The following STXBP5L variants were observed in gnomAD, a reference collection of about 807,000 sequenced individuals.
The protein encoded by STXBP5L is syntaxin binding protein 5L, also known as syntaxin-binding protein 5-like.
In STXBP5L, 65 loss-of-function variants were observed where a neutral mutation model predicts 144.5. The ratio of observed to expected loss-of-function variants is 0.45; its 90% confidence interval spans 0.37 to 0.55. The LOEUF (loss-of-function observed/expected upper bound fraction) is 0.55, where lower values mean the gene tolerates loss of function less well. Among genes scored for constraint, STXBP5L ranks in the 20% least tolerant of loss-of-function variants. The pLI, the probability that STXBP5L is intolerant of heterozygous loss-of-function variation, is 0.00. For missense variants in STXBP5L, 1,298 were observed against 1,405.5 expected (o/e 0.92, Z 1.22); for synonymous variants, 505 against 469.6 (o/e 1.08, Z -0.97).
intron 9 of STXBP5L, among the ~76,000 whole-genome samples, chr3:121,190,972 C>T (rs567598126): frequency 6.6e-6 from 1 of 151,802 alleles, no homozygotes; most frequent in South Asian, 2.1e-4. Flanking sequence ...TCCCCACATC[C>T]CAGACGATGG....
intron 18 of STXBP5L, among the ~76,000 whole-genome samples, chr3:121,267,510 T>G (rs2050604810): frequency 6.6e-6 from 1 of 152,172 alleles, no homozygotes; most frequent in South Asian, 2.1e-4. Context: ...GGCAAAGACT[T>G]CATGACTAAA....
chr3:121,011,503 A>G (rs536660525), intron 3 of STXBP5L, among the ~76,000 whole-genome samples: 9 of 151,798 alleles, frequency 5.9e-5, no homozygotes, highest in African/African-American at 1.9e-4. Context: ...GTGCGCCACT[A>G]TCAGTTCTTG....
At chr3:121,263,276 A>G (rs2050444769) in intron 18 of STXBP5L, among the ~76,000 whole-genome samples, 1 of 152,196 alleles carries the variant, frequency 6.6e-6, no homozygotes, top group Non-Finnish European at 1.5e-5. Flanking sequence ...TAGCATCAAC[A>G]TCAACAAAAA....
intron 18 of STXBP5L, among the ~76,000 whole-genome samples, chr3:121,266,562 A>G (rs760920696): frequency 3.3e-5 from 5 of 152,140 alleles, no homozygotes; most frequent in Non-Finnish European, 7.4e-5. Context: ...TTGAAAACTG[A>G]CACAAGATAA....
At chr3:121,394,851 G>A (rs531917957) in intron 22 of STXBP5L, among the ~76,000 whole-genome samples, 24 of 151,972 alleles carry the variant, frequency 1.6e-4, no homozygotes, top group Non-Finnish European at 2.9e-4. Context: ...TGATCCACCC[G>A]TCTCAGCCTC....
intron 6 of STXBP5L, among the ~76,000 whole-genome samples, chr3:121,118,632 G>A (rs1224836219): frequency 1.3e-5 from 2 of 151,572 alleles, no homozygotes; most frequent in African/African-American, 4.8e-5. Context: ...CTATATTTTA[G>A]GAGTACTACC....
rs144505140 is a variant in STXBP5L at position 121,082,048 on chromosome 3, A to C, written c.471-32877A>C. Among the ~76,000 whole-genome samples the C allele has an allele frequency of 1.2e-4, 18 of 152,332 alleles. No individual in the cohort carries two copies. The East Asian group carries it at 3.3e-3, about 28-fold the overall frequency. On this transcript the variant is annotated intron_variant, in intron 5 of 26. Transcript: ENST00000471454. ...TACAGTAAGCTTTAAAATTGGATATACTGATTCTTCCAACTTTATTCTTTT... is the reference window on the plus strand; with the variant it reads ...TACAGTAAGCTTTAAAATTGGATATCCTGATTCTTCCAACTTTATTCTTTT...
chr3:120,935,876 A>G (rs1437086423), intron 2 of STXBP5L, among the ~76,000 whole-genome samples: 2 of 151,736 alleles, frequency 1.3e-5, no homozygotes, highest in African/African-American at 2.4e-5. Context: ...CTATTTGGTG[A>G]GCTGAGCTTC....
intron 5 of STXBP5L, among the ~76,000 whole-genome samples, chr3:121,051,929 A>C (rs977065904): frequency 5.9e-5 from 9 of 152,202 alleles, no homozygotes; most frequent in African/African-American, 2.2e-4. Context: ...CCACAGAAAT[A>C]CCATCAGAGA....
intron 11 of STXBP5L, among the ~76,000 whole-genome samples, chr3:121,223,957 T>C (rs1446488124): frequency 1.6e-4 from 24 of 151,732 alleles, no homozygotes; most frequent in Admixed American, 1.6e-3. Flanking sequence ...AATAAATAAA[T>C]AAATCTAAAA....
At chr3:120,974,384 G>C in intron 3 of STXBP5L, among the ~76,000 whole-genome samples, 1 of 151,370 alleles carries the variant, frequency 6.6e-6, no homozygotes, top group African/African-American at 2.4e-5. Context: ...CTTTTTGATG[G>C]GGTTGTTTGT....
chr3:121,201,011 G>C (rs1386734186), intron 9 of STXBP5L, among the ~76,000 whole-genome samples: 1 of 152,192 alleles, frequency 6.6e-6, no homozygotes, highest in Non-Finnish European at 1.5e-5. Context: ...TCTTGGTCCA[G>C]GGCCAAGTTC....
intron 3 of STXBP5L, among the ~76,000 whole-genome samples, chr3:120,991,765 A>G (rs1047032133): frequency 6.6e-6 from 1 of 151,636 alleles, no homozygotes; most frequent in African/African-American, 2.4e-5. Context: ...GAACAATGAG[A>G]ACACATGGAC....
intron 20 of STXBP5L, among the ~76,000 whole-genome samples, chr3:121,320,911 G>A (rs920211272): frequency 6.6e-6 from 1 of 152,062 alleles, no homozygotes; most frequent in Non-Finnish European, 1.5e-5. Context: ...GTGTTAGCCA[G>A]GATAGTCTCG....
intron 22 of STXBP5L, among the ~76,000 whole-genome samples, chr3:121,389,226 G>A (rs1168710616): frequency 1.3e-5 from 2 of 152,080 alleles, no homozygotes; most frequent in Non-Finnish European, 2.9e-5. Flanking sequence ...TCTGTGGGAT[G>A]AGTGGTGATA....
intron 22 of STXBP5L, among the ~76,000 whole-genome samples, chr3:121,382,129 A>G (rs533995235): frequency 8.5e-5 from 13 of 152,176 alleles, no homozygotes; most frequent in Middle Eastern, 3.4e-3. Context: ...AGAGATAAGT[A>G]TGATTCCTCC....
chr3:120,926,103 G>T (rs766077949), intron 2 of STXBP5L, among the ~76,000 whole-genome samples: 1 of 152,190 alleles, frequency 6.6e-6, no homozygotes, highest in Admixed American at 6.5e-5. Flanking sequence ...GCACACTACA[G>T]CTTCAGTATT....
intron 19 of STXBP5L, among the ~76,000 whole-genome samples, chr3:121,287,485 A>T (rs1291606289): frequency 6.6e-6 from 1 of 152,206 alleles, no homozygotes; most frequent in Non-Finnish European, 1.5e-5. Flanking sequence ...TTACAATATC[A>T]TCAAAAATAA....
intron 3 of STXBP5L, among the ~76,000 whole-genome samples, chr3:121,020,728 A>G (rs1945490251): frequency 6.6e-6 from 1 of 152,056 alleles, no homozygotes; most frequent in Admixed American, 6.5e-5. Context: ...ATTTGCCACT[A>G]CCAAGCCAGC....
Sources: gnomAD v4.1 joint callset for allele counts (sites outside exome capture counted in the v4.1 genomes callset) on GRCh38, gnomAD v4.1.1 for gene constraint, MANE v1.5 for transcripts, NCBI Gene and HGNC (gene_info 2026-07-23, HGNC 2026-07-21) for gene names.